The following GALNT13 variants were observed in gnomAD, a reference collection of about 807,000 sequenced individuals.
The protein encoded by GALNT13 is polypeptide N-acetylgalactosaminyltransferase 13.
In GALNT13, 28 loss-of-function variants were observed where a neutral mutation model predicts 64.2. The ratio of observed to expected loss-of-function variants is 0.44; its 90% CI spans 0.32 to 0.60. The LOEUF is 0.60. Ranked by LOEUF, GALNT13 falls within the 20% of genes least tolerant of loss-of-function variation. The pLI is 0.05. For synonymous variants in GALNT13, 214 were observed against 224.6 expected, an observed-to-expected ratio of 0.95 and a Z score of 0.42; for missense variants, 577 against 669.8, an observed-to-expected ratio of 0.86 and a Z score of 1.53.
chr2:153,410,412 C>A, the GALNT13 span, among the ~76,000 whole-genome samples: 1 of 152,122 alleles, frequency 6.6e-6, no homozygotes, highest in Non-Finnish European at 1.5e-5. Context: ...GCTTTTGAAC[C>A]TAGAATTCTA....
chr2:154,155,990 T>C (rs1684395666), intron 4 of GALNT13, among the ~76,000 whole-genome samples: 1 of 151,978 alleles, frequency 6.6e-6, no homozygotes. Context: ...CGTATATTTA[T>C]GTATTGCATT....
At chr2:153,970,841 C>T (rs182604874) in intron 3 of GALNT13, among the ~76,000 whole-genome samples, 2 of 152,232 alleles carry the variant, frequency 1.3e-5, no homozygotes, top group Admixed American at 1.3e-4. Context: ...ATCCTGTTTG[C>T]ATTATTATAT....
chr2:154,020,598 C>T (rs1346753349), intron 3 of GALNT13, among the ~76,000 whole-genome samples: 4 of 151,792 alleles, frequency 2.6e-5, no homozygotes, highest in Admixed American at 1.3e-4. Context: ...TTCTGGATAT[C>T]AGCCCTTTGT....
At chr2:154,145,666 G>T (rs1359366463) in intron 4 of GALNT13, among the ~76,000 whole-genome samples, 1 of 151,918 alleles carries the variant, frequency 6.6e-6, no homozygotes, top group African/African-American at 2.4e-5. Flanking sequence ...CAATAAAGAG[G>T]AAAAGACTCT....
At chr2:154,340,156 A>G (rs1346155635) in intron 9 of GALNT13, among the ~76,000 whole-genome samples, 1 of 151,908 alleles carries the variant, frequency 6.6e-6, no homozygotes, top group Non-Finnish European at 1.5e-5. Context: ...GCAGATCTCT[A>G]TTGCTCCAAC....
chr2:153,407,417 T>C, the GALNT13 span, among the ~76,000 whole-genome samples: 5 of 152,192 alleles, frequency 3.3e-5, no homozygotes, highest in Non-Finnish European at 7.3e-5. Flanking sequence ...CTGGCTGAAG[T>C]TGCATATTAA....
chr2:154,044,399 G>GA (rs1699175662), intron 3 of GALNT13, among the ~76,000 whole-genome samples: 2 of 152,232 alleles, frequency 1.3e-5, no homozygotes, highest in African/African-American at 4.8e-5. Context: ...GGCACTCCCT[G>GA]TGTGAAAGCT....
At chr2:153,643,338 G>C in the GALNT13 span, among the ~76,000 whole-genome samples, 3 of 151,366 alleles carry the variant, frequency 2.0e-5, no homozygotes, top group Non-Finnish European at 4.4e-5. Context: ...ATATACAGCA[G>C]AAGATAAAGG....
chr2:153,253,336 T>C, the GALNT13 span, among the ~76,000 whole-genome samples: 1 of 138,446 alleles, frequency 7.2e-6, no homozygotes, highest in Non-Finnish European at 1.6e-5. Flanking sequence ...GAGACTTTGC[T>C]GAAGTTGCTT....
At chr2:153,733,512 A>G in the GALNT13 span, among the ~76,000 whole-genome samples, 10 of 152,192 alleles carry the variant, frequency 6.6e-5, no homozygotes, top group Admixed American at 2.6e-4. Context: ...GTCTCTCCCA[A>G]TACCCCCATG....
the GALNT13 span, among the ~76,000 whole-genome samples, chr2:153,758,867 C>T: frequency 2.0e-5 from 3 of 152,202 alleles, no homozygotes; most frequent in East Asian, 5.8e-4. Context: ...GCTGGGATTA[C>T]AGGCATGAGC....
chr2:153,639,201 G>A, the GALNT13 span, among the ~76,000 whole-genome samples: 1 of 151,982 alleles, frequency 6.6e-6, no homozygotes, highest in Non-Finnish European at 1.5e-5. Flanking sequence ...CATGAGGTAT[G>A]TTAGGTCCAA....
At chr2:153,446,616 G>A in the GALNT13 span, among the ~76,000 whole-genome samples, 4,996 of 152,190 alleles carry the variant, frequency 0.033, 103 homozygotes, top group Middle Eastern at 0.071. Context: ...CATGGATACC[G>A]TCACTATTTT....
At chr2:153,527,219 C>G in the GALNT13 span, among the ~76,000 whole-genome samples, 2 of 152,080 alleles carry the variant, frequency 1.3e-5, no homozygotes, top group East Asian at 3.9e-4. Flanking sequence ...AGACTTAACC[C>G]AAAGAAGACT....
At chr2:154,440,971 G>T (rs985527220) in intron 12 of GALNT13, among the ~76,000 whole-genome samples, 6 of 152,084 alleles carry the variant, frequency 3.9e-5, no homozygotes, top group African/African-American at 1.2e-4. Context: ...TTCACAGAAT[G>T]GTTCCACCCC....
intron 3 of GALNT13, among the ~76,000 whole-genome samples, chr2:153,945,386 C>T (rs1310749584): frequency 6.6e-6 from 1 of 151,880 alleles, no homozygotes; most frequent in Non-Finnish European, 1.5e-5. Flanking sequence ...TAATGTATTC[C>T]TAGAAAATTC....
At chr2:153,566,714 G>A in the GALNT13 span, among the ~76,000 whole-genome samples, 1 of 152,160 alleles carries the variant, frequency 6.6e-6, no homozygotes, top group Non-Finnish European at 1.5e-5. Flanking sequence ...AAGTACTATA[G>A]TAGGCAAATG....
At chr2:153,199,934 A>G in the GALNT13 span, among the ~76,000 whole-genome samples, 52,605 of 152,124 alleles carry the variant, frequency 0.35, 9,792 homozygotes, top group African/African-American at 0.49. Flanking sequence ...AGTGAACTGC[A>G]GAAGAAACAA....
At chr2:153,181,049 T>TTTTTTTTTTTTTTTTTTG in the GALNT13 span, among the ~76,000 whole-genome samples, 1 of 122,036 alleles carries the variant, frequency 8.2e-6, no homozygotes, top group African/African-American at 3.1e-5. Flanking sequence ...TTTTTTTTTT[T>TTTTTTTTTTTTTTTTTTG]GCTGTCATCA....
Sources: allele counts gnomAD v4.1 joint callset (sites outside exome capture counted in the v4.1 genomes callset), GRCh38; gene constraint gnomAD v4.1.1; transcripts MANE v1.5; gene names NCBI Gene and HGNC (gene_info 2026-07-23, HGNC 2026-07-21).